WDR41: variants seen among roughly 807,000 people sequenced by gnomAD.
WDR41 encodes the protein WD repeat-containing protein 41.
A neutral mutation model predicts 69.3 loss-of-function variants in WDR41; 63 were observed. That is an observed-to-expected ratio of 0.91 (90% CI 0.74 to 1.12). The LOEUF is 1.12. Ranked by LOEUF, WDR41 falls within the 50% of genes most tolerant of loss-of-function variation. The pLI, the probability that WDR41 is intolerant of heterozygous loss-of-function variation, is 0.00. For missense variants in WDR41, 543 were observed against 534.5 expected (o/e 1.02, Z -0.16); for synonymous variants, 185 against 192.1 (o/e 0.96, Z 0.31).
In WDR41 at chr5:77,432,847, T is replaced by C; in HGVS notation, c.*288A>G. On this transcript the variant is annotated 3_prime_UTR_variant, in exon 13 of 13. Coordinates refer to ENST00000296679, the MANE Select transcript of WDR41 (RefSeq NM_018268.4). ...TTAACTATTACCTCTATTTGTACCT[T>C]TCACAAGGATCTAGGTTCAAAATAA... is the stretch of plus-strand genomic sequence containing the variant. The C allele has an allele frequency of 3.9e-6, 1 of 256,612 alleles. No individual in the cohort carries two copies. Among genetic ancestry groups the C allele is most frequent in the Admixed American group, 5.4e-5 (1 of 18,648 alleles). 15.9% of individuals were successfully genotyped at this position (256,612 alleles called of 1,614,324 possible). A position where few individuals can be genotyped will look rare whatever the true frequency, so the allele number is the denominator to read the frequency against.
At chr5:77,453,755 GA>G in intron 6 of WDR41, 61 bp downstream of exon 6, 1 of 1,348,976 alleles carries the variant, frequency 7.4e-7, no homozygotes, top group Non-Finnish European at 1.1e-6. Flanking sequence ...AAGTCTCTCT[GA>G]AGATCTGCTG....
At chr5:77,609,056 C>G (rs562829370) in intron 1 of WDR41, among the ~76,000 whole-genome samples, 7 of 152,306 alleles carry the variant, frequency 4.6e-5, no homozygotes, top group African/African-American at 1.4e-4. Flanking sequence ...TGATTGCTAG[C>G]ACAGCAGTCT....
chr5:77,512,990 G>A (rs966507786), intron 1 of WDR41, among the ~76,000 whole-genome samples: 3 of 152,076 alleles, frequency 2.0e-5, no homozygotes, highest in Admixed American at 6.6e-5. Context: ...GGAATGAAAA[G>A]GCTTATCGTT....
intron 1 of WDR41, among the ~76,000 whole-genome samples, chr5:77,532,276 G>C (rs2112208948): frequency 6.6e-6 from 1 of 152,136 alleles, no homozygotes; most frequent in East Asian, 1.9e-4. Flanking sequence ...TATGATGAAA[G>C]TTCAGGGGGA....
intron 1 of WDR41, among the ~76,000 whole-genome samples, chr5:77,590,356 AG>A (rs1236180956): frequency 6.6e-6 from 1 of 152,214 alleles, no homozygotes; most frequent in Non-Finnish European, 1.5e-5. Flanking sequence ...AACACCCAAC[AG>A]GATGTAGAGG....
intron 6 of WDR41, chr5:77,452,678 G>A (rs1799673551): frequency 6.6e-6 from 1 of 152,178 alleles, no homozygotes; most frequent in Non-Finnish European, 1.5e-5. Context: ...GTAACCCATG[G>A]CCTTCTCAAG....
intron 1 of WDR41, among the ~76,000 whole-genome samples, chr5:77,610,569 A>C (rs1373375618): frequency 2.0e-5 from 3 of 151,642 alleles, no homozygotes; most frequent in Non-Finnish European, 4.4e-5. Context: ...TTCATAAGTG[A>C]AGGAGAAATA....
chr5:77,500,842 G>T (rs1802006396), intron 1 of WDR41, among the ~76,000 whole-genome samples: 1 of 152,160 alleles, frequency 6.6e-6, no homozygotes. Flanking sequence ...AACCAAAAAA[G>T]ATACTAAAAA....
intron 4 of WDR41, 99 bp downstream of exon 4, chr5:77,462,996 G>T: frequency 7.6e-7 from 1 of 1,324,386 alleles, no homozygotes; most frequent in Admixed American, 2.7e-5. Flanking sequence ...GCTATAACAA[G>T]AATATACAGA....
chr5:77,598,417 C>T (rs996286274), intron 1 of WDR41, among the ~76,000 whole-genome samples: 1 of 152,164 alleles, frequency 6.6e-6, no homozygotes, highest in African/African-American at 2.4e-5. Context: ...GGGGAAAAGG[C>T]TCTCTCTTTT....
intron 1 of WDR41, among the ~76,000 whole-genome samples, chr5:77,500,634 A>T (rs7714170): frequency 0.55 from 83,140 of 151,954 alleles, 24,185 homozygotes; most frequent in African/African-American, 0.73. Flanking sequence ...TCAAGCTCAA[A>T]TAGGTAACCT....
intron 1 of WDR41, among the ~76,000 whole-genome samples, chr5:77,580,660 A>G (rs577468012): frequency 1.8e-4 from 28 of 152,280 alleles, no homozygotes; most frequent in African/African-American, 6.7e-4. Flanking sequence ...AAAATATATA[A>G]AAAATAAAAA....
intron 1 of WDR41, among the ~76,000 whole-genome samples, chr5:77,575,013 C>G (rs1189112165): frequency 2.0e-5 from 3 of 152,072 alleles, no homozygotes; most frequent in East Asian, 1.9e-4. Flanking sequence ...ATAAAAGCCT[C>G]TATCCATGGG....
At chr5:77,511,142 A>C (rs1802191643) in intron 1 of WDR41, among the ~76,000 whole-genome samples, 1 of 152,152 alleles carries the variant, frequency 6.6e-6, no homozygotes. Context: ...ACTTATCATA[A>C]TTTTTAGAAC....
intron 1 of WDR41, among the ~76,000 whole-genome samples, chr5:77,533,118 C>T (rs1355042133): frequency 1.3e-5 from 2 of 152,158 alleles, no homozygotes; most frequent in African/African-American, 4.8e-5. Flanking sequence ...CAAGCTCTCT[C>T]GGGAGAAGGA....
chr5:77,551,615 C>G (rs1743297798), intron 1 of WDR41, among the ~76,000 whole-genome samples: 1 of 151,658 alleles, frequency 6.6e-6, no homozygotes, highest in African/African-American at 2.4e-5. Context: ...GAGGTAGAGG[C>G]TGAAGTGAGC....
At chr5:77,531,029 T>G (rs1412450064) in intron 1 of WDR41, among the ~76,000 whole-genome samples, 2 of 151,738 alleles carry the variant, frequency 1.3e-5, no homozygotes, top group African/African-American at 4.8e-5. Flanking sequence ...ATCACCTAAA[T>G]ATAAGAACTA....
intron 2 of WDR41, among the ~76,000 whole-genome samples, chr5:77,478,791 C>T (rs987638578): frequency 2.7e-3 from 407 of 150,938 alleles, no homozygotes; most frequent in Non-Finnish European, 3.9e-3. Flanking sequence ...TCTCTCACCA[C>T]TCCTATTCAA....
At chr5:77,582,939 G>T in intron 1 of WDR41, 1 of 1,609,358 alleles carries the variant, frequency 6.2e-7, no homozygotes, top group South Asian at 1.1e-5. Flanking sequence ...TCTGCATGGA[G>T]GATTTGATTC....
Sources: allele counts gnomAD v4.1 joint callset (sites outside exome capture counted in the v4.1 genomes callset), GRCh38; gene constraint gnomAD v4.1.1; transcripts MANE v1.5; gene names NCBI Gene and HGNC (gene_info 2026-07-23, HGNC 2026-07-21).